CSNK1D: variants seen among roughly 807,000 people sequenced by gnomAD.
The protein encoded by CSNK1D is casein kinase I isoform delta.
CSNK1D carries 16 observed loss-of-function variants against 46.6 expected under a neutral mutation model. The ratio of observed to expected loss-of-function variants is 0.34; its 90% CI spans 0.23 to 0.52. The LOEUF is 0.52. Ranked by LOEUF, CSNK1D falls within the 20% of genes least tolerant of loss-of-function variation. The probability of loss-of-function intolerance (pLI) is 0.95; values close to 1 mark genes in which losing one functional copy is unlikely to be tolerated. For synonymous variants in CSNK1D, 276 were observed against 228.2 expected (o/e 1.21, Z -1.89); for missense variants, 398 against 578.4 (o/e 0.69, Z 3.20).
chr17:82,269,086 T>A (rs1362273965), intron 1 of CSNK1D, among the ~76,000 whole-genome samples: 3 of 131,716 alleles, frequency 2.3e-5, no homozygotes, highest in Non-Finnish European at 3.1e-5. Context: ...AACAGAATGA[T>A]ACTTTGTCTT....
At chr17:82,263,044 G>A (rs1348735287) in intron 2 of CSNK1D, among the ~76,000 whole-genome samples, 1 of 152,170 alleles carries the variant, frequency 6.6e-6, no homozygotes, top group African/African-American at 2.4e-5. Flanking sequence ...GCCAGGCAGG[G>A]TGGCTCATGC....
intron 8 of CSNK1D, chr17:82,247,238 C>G: frequency 2.0e-6 from 2 of 985,406 alleles, no homozygotes; most frequent in Non-Finnish European, 2.4e-6. Flanking sequence ...GAGCCAGCTG[C>G]GGGTTCCTGC....
chr17:82,246,115 A>G lies in CSNK1D; in HGVS notation c.1198-1284T>C, dbSNP rs1188798938. On this transcript the variant is annotated intron_variant, in intron 8 of 8. Transcript: ENST00000314028. ...CTACCTGTGTCGGCTCCATGTCCAG[A>G]TGGGCATCCTTGCCTCAACCAGGTC... 8 of 1,555,750 alleles carry G rather than the reference A, an allele frequency of 5.1e-6. No individual in the cohort carries two copies. The East Asian group carries it at 7.3e-5, about 14-fold the overall frequency.
At chr17:82,247,528 A>C in intron 8 of CSNK1D, 1 of 985,490 alleles carries the variant, frequency 1.0e-6, no homozygotes, top group South Asian at 4.7e-5. Flanking sequence ...GTCAGCACCC[A>C]GCATGGGGAG....
chr17:82,244,747 C>G lies in CSNK1D; in HGVS notation c.*34G>C. The G allele has an allele frequency of 6.2e-7, 1 of 1,613,770 alleles. No homozygotes were observed. The highest frequency in any genetic ancestry group is 8.5e-7 in the Non-Finnish European group (1 of 1,180,018). On this transcript the variant is annotated 3_prime_UTR_variant, in exon 9 of 9. Transcript: ENST00000314028. ...TTGGTAACAGAGTAGATCAGCCATG[C>G]ATTGTCTGCCCTTCACAGCAATAAG...
downstream of CSNK1D, among the ~76,000 whole-genome samples, chr17:82,241,028 G>A (rs897661286): frequency 1.3e-5 from 2 of 152,106 alleles, no homozygotes; most frequent in African/African-American, 2.4e-5. Flanking sequence ...CAACCCCGGC[G>A]ACAGATTCTA....
chr17:82,250,101 G>A lies in CSNK1D; in HGVS notation c.886-499C>T. ...CTGTGCAGGTGTGGTGGCGTGGCCA[G>A]CAGCCGGCAGCCGGATCTGTGCTGC... On this transcript the variant is annotated intron_variant, in intron 6 of 8. Transcript: ENST00000314028. This position sits in a 1 kb window ranked among gnomAD's most constrained non-coding sequence, Gnocchi z 4.6. 1.5e-6 allele frequency: 2 copies of A among 1,290,320 alleles called. No individual in the cohort carries two copies. Among genetic ancestry groups the A allele is most frequent in the Non-Finnish European group, 2.0e-6 (2 of 989,374 alleles). The allele number at this position is 1,290,320 out of a possible 1,614,324, so 79.9% of individuals were successfully genotyped here.
In CSNK1D at chr17:82,273,203, G is replaced by T; in HGVS notation, c.76+103C>A. The T allele has an allele frequency of 1.7e-6, 2 of 1,207,610 alleles. No individual in the cohort carries two copies. Among genetic ancestry groups the T allele is most frequent in the African/African-American group, 1.6e-5 (1 of 64,272 alleles). The allele number at this position is 1,207,610 out of a possible 1,614,324, so 74.8% of individuals were successfully genotyped here. Reference sequence around the variant, plus strand: ...GATCCGGCGGTGCCGGGACTTGCGCGGAGACCCCGCGGGGGCCACCACTTC... The same window carrying T: ...GATCCGGCGGTGCCGGGACTTGCGCTGAGACCCCGCGGGGGCCACCACTTC... On this transcript the variant is annotated intron_variant, in intron 1 of 8. Coordinates refer to ENST00000314028, the MANE Select transcript of CSNK1D (RefSeq NM_001893.6). This position sits in a 1 kb window ranked among gnomAD's most constrained non-coding sequence, Gnocchi z 5.1.
rs1459950927 is a variant in CSNK1D, at chr17:82,254,299, A to G, written c.337-1055T>C. ...CCAGTGCAGTGCGCTGAGCCGCCGG[A>G]GCCTCGAGAAGCCAGTCAGCTGAGC... On this transcript the variant is annotated intron_variant, in intron 3 of 8. Coordinates refer to ENST00000314028, the MANE Select transcript of CSNK1D (RefSeq NM_001893.6). The G allele has an allele frequency of 2.7e-3, 713 of 266,986 alleles. 26 individuals carry two copies. The highest frequency in any genetic ancestry group is 0.02 in the African/African-American group (621 of 30,720). 16.5% of individuals were successfully genotyped at this position (266,986 alleles called of 1,614,324 possible).
downstream of CSNK1D, among the ~76,000 whole-genome samples, chr17:82,241,365 C>G (rs549650450): frequency 6.6e-6 from 1 of 152,346 alleles, no homozygotes; most frequent in South Asian, 2.1e-4. Flanking sequence ...GAGGCGCTGC[C>G]CAGTACCTGG....
At position 82,249,211 on chromosome 17, in the gene CSNK1D, A is replaced by G; in HGVS notation, c.1058-197T>C. The G allele has an allele frequency of 1.3e-6, 1 of 786,938 alleles. No homozygotes were observed. Among genetic ancestry groups the G allele is most frequent in the Non-Finnish European group, 2.0e-6 (1 of 503,248 alleles). 48.7% of individuals were successfully genotyped at this position (786,938 alleles called of 1,614,324 possible). ...ATGGGAGCGAGGTCAAGGGGCTCACAGGGGAGGAACGTGAGATGCGGGAGG... is the reference window on the plus strand; with the variant it reads ...ATGGGAGCGAGGTCAAGGGGCTCACGGGGGAGGAACGTGAGATGCGGGAGG... On this transcript the variant is annotated intron_variant, in intron 7 of 8. Coordinates refer to ENST00000314028, the MANE Select transcript of CSNK1D (RefSeq NM_001893.6). The surrounding 1 kb of genome is among the most constrained non-coding windows in gnomAD (Gnocchi z 6.7).
At chr17:82,262,609 G>A (rs1157038850) in intron 2 of CSNK1D, among the ~76,000 whole-genome samples, 3 of 152,122 alleles carry the variant, frequency 2.0e-5, no homozygotes, top group African/African-American at 7.2e-5. Context: ...GAGATAGCAG[G>A]ACAATCTGGA....
intron 2 of CSNK1D, among the ~76,000 whole-genome samples, chr17:82,260,481 T>G (rs2051305596): frequency 6.6e-6 from 1 of 151,634 alleles, no homozygotes; most frequent in East Asian, 1.9e-4. Flanking sequence ...GTGATGTGAC[T>G]GATGGTGTAC....
In CSNK1D at chr17:82,273,425, T is replaced by C; in HGVS notation, c.-44A>G. On this transcript the variant is annotated 5_prime_UTR_variant, in exon 1 of 9. Transcript: ENST00000314028. This position sits in a 1 kb window ranked among gnomAD's most constrained non-coding sequence, Gnocchi z 5.1. ...CGCTCCTGCCCTCCCGGCCGCTTCCTGGGTCTGAACTCTGGGAGGCGGCGC... is the reference window on the plus strand; with the variant it reads ...CGCTCCTGCCCTCCCGGCCGCTTCCCGGGTCTGAACTCTGGGAGGCGGCGC... 1 of 1,607,138 alleles carries C rather than the reference T, an allele frequency of 6.2e-7. No homozygotes were observed. Among genetic ancestry groups the C allele is most frequent in the Non-Finnish European group, 8.5e-7 (1 of 1,177,776 alleles).
intron 1 of CSNK1D, among the ~76,000 whole-genome samples, chr17:82,272,851 C>T (rs943777331): frequency 1.3e-5 from 2 of 152,074 alleles, no homozygotes; most frequent in African/African-American, 4.8e-5. Context: ...TAGAGGAAGC[C>T]GACGCCCGCT....
intron 1 of CSNK1D, among the ~76,000 whole-genome samples, chr17:82,271,731 G>A (rs1247351133): frequency 1.3e-5 from 2 of 152,218 alleles, no homozygotes; most frequent in African/African-American, 2.4e-5. Context: ...AACGCTGTCA[G>A]CCCACCGGGT....
chr17:82,253,281 G>C (rs1232590362), intron 3 of CSNK1D, 37 bp from the exon 4 acceptor site: 7 of 1,536,642 alleles, frequency 4.6e-6, no homozygotes, highest in Non-Finnish European at 4.5e-6. Context: ...GGCACCCCAG[G>C]GCAGTCTCAG....
chr17:82,240,922 ACAGG>A (rs1245681411), downstream of CSNK1D, among the ~76,000 whole-genome samples: 1 of 152,168 alleles, frequency 6.6e-6, no homozygotes, highest in Non-Finnish European at 1.5e-5. Context: ...CTCTGACCCG[ACAGG>A]CAGGAGTGAA....
intron 1 of CSNK1D, among the ~76,000 whole-genome samples, chr17:82,270,610 T>C (rs1483821259): frequency 2.6e-5 from 4 of 152,214 alleles, no homozygotes; most frequent in Non-Finnish European, 5.9e-5. Flanking sequence ...AGATCAGCCA[T>C]CTTTGACTCT....
Sources: allele counts gnomAD v4.1 joint callset (sites outside exome capture counted in the v4.1 genomes callset), GRCh38; gene constraint gnomAD v4.1.1; non-coding constraint Gnocchi (gnomAD v3.1); transcripts MANE v1.5; gene names NCBI Gene and HGNC (gene_info 2026-07-23, HGNC 2026-07-21).